PAX5: variants seen among roughly 807,000 people sequenced by gnomAD.
PAX5 encodes paired box protein Pax-5.
PAX5 carries 9 observed loss-of-function variants against 43.7 expected under a neutral mutation model. The ratio of observed to expected loss-of-function variants is 0.21; its 90% CI spans 0.12 to 0.36. PAX5 has a LOEUF of 0.36. Among genes scored for constraint, PAX5 ranks in the 10% least tolerant of loss-of-function variants. The pLI is 1.00. For missense variants in PAX5, 383 were observed against 532.7 expected, an observed-to-expected ratio of 0.72 and a Z score of 2.77; for synonymous variants, 228 against 214.3, an observed-to-expected ratio of 1.06 and a Z score of -0.56.
intron 6 of PAX5, among the ~76,000 whole-genome samples, chr9:36,933,472 C>T (rs1481096151): frequency 2.6e-5 from 4 of 152,138 alleles, no homozygotes; most frequent in Non-Finnish European, 4.4e-5. Flanking sequence ...CGTGGTGCCC[C>T]GGGAGTCCTG....
At chr9:36,910,038 G>T (rs1295808439) in intron 7 of PAX5, among the ~76,000 whole-genome samples, 1 of 151,892 alleles carries the variant, frequency 6.6e-6, no homozygotes, top group Admixed American at 6.6e-5. Context: ...GCTCAGGCTG[G>T]TCTTGAACTC....
intron 6 of PAX5, among the ~76,000 whole-genome samples, chr9:36,959,288 G>A (rs532560172): frequency 6.6e-6 from 1 of 152,236 alleles, no homozygotes; most frequent in African/African-American, 2.4e-5. Context: ...AAAACCACAT[G>A]TATGAAAATG....
chr9:36,919,309 G>A (rs886431198), intron 7 of PAX5, among the ~76,000 whole-genome samples: 3 of 152,116 alleles, frequency 2.0e-5, no homozygotes, highest in Admixed American at 6.5e-5. Flanking sequence ...AATGCACCTG[G>A]TCACCCAAGA....
chr9:36,998,950 T>C (rs1837620411), intron 5 of PAX5, among the ~76,000 whole-genome samples: 1 of 152,332 alleles, frequency 6.6e-6, no homozygotes, highest in Admixed American at 6.5e-5. Context: ...TTACTCTTTT[T>C]AATGTAGTTA....
intron 6 of PAX5, among the ~76,000 whole-genome samples, chr9:36,956,589 A>T (rs57995393): frequency 0.01 from 1,560 of 152,214 alleles, 26 homozygotes; most frequent in African/African-American, 0.035. Context: ...TCCCTCAAAC[A>T]TCCCCCTCCC....
chr9:36,974,341 C>T (rs529269672), intron 5 of PAX5, among the ~76,000 whole-genome samples: 4 of 152,294 alleles, frequency 2.6e-5, no homozygotes, highest in African/African-American at 9.6e-5. Context: ...CAAAGCTCCC[C>T]ACACCCCCTG....
intron 6 of PAX5, among the ~76,000 whole-genome samples, chr9:36,944,559 C>G (rs1269888480): frequency 6.6e-6 from 1 of 152,182 alleles, no homozygotes; most frequent in African/African-American, 2.4e-5. Context: ...AGAAGGGAAG[C>G]TGGTTCACGA....
chr9:36,962,377 G>A (rs548831055), intron 6 of PAX5, among the ~76,000 whole-genome samples: 4 of 152,286 alleles, frequency 2.6e-5, no homozygotes, highest in East Asian at 1.9e-4. Flanking sequence ...CCAGCTCTGC[G>A]GTTCAACAAT....
At chr9:36,872,500 G>A (rs1015853283) in intron 8 of PAX5, among the ~76,000 whole-genome samples, 2 of 152,246 alleles carry the variant, frequency 1.3e-5, no homozygotes, top group African/African-American at 4.8e-5. Context: ...GGAGTCCCAA[G>A]GTCATGTCTC....
chr9:36,962,834 C>T (rs1210414797), intron 6 of PAX5, among the ~76,000 whole-genome samples: 1 of 152,152 alleles, frequency 6.6e-6, no homozygotes. Context: ...TCAATCTGCT[C>T]GAAAATGGAA....
At chr9:36,847,072 G>A in intron 8 of PAX5, 143 bp from the exon 9 acceptor site, 1 of 617,872 alleles carries the variant, frequency 1.6e-6, no homozygotes, top group Non-Finnish European at 3.0e-6. Flanking sequence ...ACAAAAGCAA[G>A]TCAGGTCCAC....
At chr9:36,890,029 T>C (rs1006907968) in intron 7 of PAX5, among the ~76,000 whole-genome samples, 1 of 152,024 alleles carries the variant, frequency 6.6e-6, no homozygotes, top group East Asian at 1.9e-4. Flanking sequence ...GTTCTCATCG[T>C]GTGGCAGTAA....
Position 36,989,240 on chromosome 9 carries a change from G to A in PAX5, c.604+13408C>T, listed in dbSNP as rs562753575. The stretch of plus-strand genomic sequence containing the variant: ...CGAAAAAGTAGAATCAAAGCCCCAT[G>A]TTGGAGAGAGCTGAGGATATTCCCC... On this transcript the variant is annotated intron_variant, in intron 5 of 9. Coordinates refer to ENST00000358127, the MANE Select transcript of PAX5 (RefSeq NM_016734.3). Among the ~76,000 whole-genome samples, 4 of 152,372 alleles carry A rather than the reference G, an allele frequency of 2.6e-5. No individual in the cohort carries two copies. In the East Asian group the frequency reaches 7.7e-4, roughly 29 times the overall value.
At chr9:37,018,777 G>A (rs575686707) in intron 2 of PAX5, among the ~76,000 whole-genome samples, 36 of 152,230 alleles carry the variant, frequency 2.4e-4, no homozygotes, top group African/African-American at 7.9e-4. Context: ...GGAGCGGCGC[G>A]TAACTTCCGA....
intron 7 of PAX5, among the ~76,000 whole-genome samples, chr9:36,895,244 C>G (rs1026892881): frequency 2.0e-5 from 3 of 152,232 alleles, no homozygotes; most frequent in African/African-American, 7.2e-5. Context: ...CACCCCATGC[C>G]TGTGTGTGCC....
chr9:36,965,382 C>A (rs147252939), intron 6 of PAX5, among the ~76,000 whole-genome samples: 7 of 152,328 alleles, frequency 4.6e-5, no homozygotes, highest in Non-Finnish European at 7.3e-5. Context: ...CGTCTTGCAG[C>A]GTGGCCTTAG....
At chr9:37,032,554 T>C (rs1841086141) in intron 1 of PAX5, among the ~76,000 whole-genome samples, 2 of 152,196 alleles carry the variant, frequency 1.3e-5, no homozygotes, top group Admixed American at 6.5e-5. Context: ...CCAGCCACAA[T>C]TTTGGAAACA....
chr9:36,842,806 C>A (rs1279700687), intron 9 of PAX5, among the ~76,000 whole-genome samples: 1 of 152,158 alleles, frequency 6.6e-6, no homozygotes, highest in African/African-American at 2.4e-5. Flanking sequence ...ACCCTGGGGC[C>A]CTGGTGGGAT....
intron 7 of PAX5, chr9:36,923,033 T>G (rs1021277051): frequency 1.4e-5 from 4 of 285,088 alleles, no homozygotes; most frequent in African/African-American, 4.3e-5. Flanking sequence ...ATGAAAGAAA[T>G]AAACCCTAGG....
Sources: gnomAD v4.1 joint callset for allele counts (sites outside exome capture counted in the v4.1 genomes callset) on GRCh38, gnomAD v4.1.1 for gene constraint, MANE v1.5 for transcripts, NCBI Gene and HGNC (gene_info 2026-07-23, HGNC 2026-07-21) for gene names.